The following UBAP2L variants were observed in gnomAD, a reference collection of about 807,000 sequenced individuals.
UBAP2L encodes ubiquitin associated protein 2 like, also known as ubiquitin-associated protein 2-like.
In UBAP2L, 12 loss-of-function variants were observed where a neutral mutation model predicts 130.6. The ratio of observed to expected loss-of-function variants is 0.09; its 90% CI spans 0.06 to 0.15. UBAP2L has a LOEUF of 0.15. Among genes scored for constraint, UBAP2L ranks in the 10% least tolerant of loss-of-function variants. The pLI, the probability that UBAP2L is intolerant of heterozygous loss-of-function variation, is 1.00. For missense variants in UBAP2L, 965 were observed against 1,332.5 expected, an observed-to-expected ratio of 0.72 and a Z score of 4.29; for synonymous variants, 503 against 524.7, an observed-to-expected ratio of 0.96 and a Z score of 0.57.
At chr1:154,270,160 A>G in intron 26 of UBAP2L, 40 bp from the exon 27 acceptor site, 2 of 1,540,100 alleles carry the variant, frequency 1.3e-6, no homozygotes, top group Non-Finnish European at 1.7e-6. Flanking sequence ...CACTAACTAG[A>G]CACCTTTTTC....
chr1:154,262,809 A>G (rs1272525766), intron 24 of UBAP2L, among the ~76,000 whole-genome samples: 1 of 152,100 alleles, frequency 6.6e-6, no homozygotes, highest in Non-Finnish European at 1.5e-5. Flanking sequence ...TCATTGAGCA[A>G]GGTTCACCCT....
chr1:154,232,402 A>C (rs1670153634), intron 4 of UBAP2L, among the ~76,000 whole-genome samples: 1 of 152,114 alleles, frequency 6.6e-6, no homozygotes, highest in South Asian at 2.1e-4. Context: ...TTTTACAAAA[A>C]TATGTGTAAA....
intron 22 of UBAP2L, 138 bp from the exon 23 acceptor site, chr1:154,260,754 C>T: frequency 1.2e-6 from 1 of 835,342 alleles, no homozygotes; most frequent in South Asian, 1.8e-5. Flanking sequence ...ATTGGAGCCA[C>T]TAAGAAATGT....
At chr1:154,226,802 A>T (rs1668091151) in intron 2 of UBAP2L, among the ~76,000 whole-genome samples, 1 of 152,020 alleles carries the variant, frequency 6.6e-6, no homozygotes, top group African/African-American at 2.4e-5. Flanking sequence ...GTTTCACTCA[A>T]TTTTTTGTCA....
intron 4 of UBAP2L, among the ~76,000 whole-genome samples, chr1:154,229,762 C>T (rs1669195579): frequency 6.6e-6 from 1 of 152,190 alleles, no homozygotes; most frequent in South Asian, 2.1e-4. Flanking sequence ...CCGCACCTGG[C>T]CCAGTGTATT....
intron 4 of UBAP2L, 38 bp downstream of exon 4, chr1:154,228,763 C>T (rs371111747): frequency 4.1e-6 from 6 of 1,475,822 alleles, no homozygotes; most frequent in Non-Finnish European, 5.6e-6. Context: ...CATGGGTCCT[C>T]AATTGGGAGG....
intron 26 of UBAP2L, among the ~76,000 whole-genome samples, chr1:154,269,910 G>A (rs760370901): frequency 1.3e-5 from 2 of 152,148 alleles, no homozygotes; most frequent in Non-Finnish European, 2.9e-5. Context: ...AGGGGAGAGA[G>A]GGGGTAGTGT....
Position 154,270,575 on chromosome 1 carries a change from T to TC in UBAP2L, c.*282dup. The TC allele has an allele frequency of 7.0e-7, 1 of 1,419,472 alleles. No individual in the cohort carries two copies. Among genetic ancestry groups the TC allele is most frequent in the Non-Finnish European group, 9.2e-7 (1 of 1,091,118 alleles). 87.9% of individuals were successfully genotyped at this position (1,419,472 alleles called of 1,614,324 possible). A position where few individuals can be genotyped will look rare whatever the true frequency, so the allele number is the denominator to read the frequency against. ...GAAACTTTGCTATGGGCCCTGCACT[T>TC]CCTTTGCTTCCTCCTGTTCACCCTG... is the stretch of plus-strand genomic sequence containing the variant. On this transcript the variant is annotated 3_prime_UTR_variant, in exon 27 of 27. Coordinates refer to ENST00000428931, the MANE Select transcript of UBAP2L (RefSeq NM_014847.4).
In UBAP2L at chr1:154,257,305, A is replaced by C. The variant is rs1349885803; in HGVS notation, c.2354-41A>C. 3 of 1,614,034 alleles carry C rather than the reference A, an allele frequency of 1.9e-6. No homozygotes were observed. The South Asian group carries it at 3.3e-5, about 18-fold the overall frequency. On this transcript the variant is annotated intron_variant, in intron 19 of 26. Coordinates refer to ENST00000428931, the MANE Select transcript of UBAP2L (RefSeq NM_014847.4). ...GCATTCCTCTGGGATGGAGGAGGTAAGTAATTGTGTGATGGGATAAAAATG... is the reference window on the plus strand; with the variant it reads ...GCATTCCTCTGGGATGGAGGAGGTACGTAATTGTGTGATGGGATAAAAATG...
chr1:154,256,999 T>G, intron 18 of UBAP2L, 64 bp from the exon 19 acceptor site: 1 of 1,545,134 alleles, frequency 6.5e-7, no homozygotes, highest in African/African-American at 1.4e-5. Flanking sequence ...ATTGTCTTAT[T>G]TTTCCTGACC....
At chr1:154,237,228 G>T in intron 8 of UBAP2L, 92 bp downstream of exon 8, 3 of 1,201,322 alleles carry the variant, frequency 2.5e-6, no homozygotes, top group Non-Finnish European at 3.6e-6. Flanking sequence ...TGGAAGAATA[G>T]TGTTTGGTTA....
rs77229109 is a variant in UBAP2L at position 154,238,147 on chromosome 1, A to G, written c.703+1011A>G. ...GTTTTCCACCTTTTTCCTACAATAT[A>G]TTATTCCTGAGGCTCTGAATGTCGT... On this transcript the variant is annotated intron_variant, in intron 8 of 26. Coordinates refer to ENST00000428931, the MANE Select transcript of UBAP2L (RefSeq NM_014847.4). Among the ~76,000 whole-genome samples, 41 of 152,236 alleles carry G rather than the reference A, an allele frequency of 2.7e-4. No homozygotes were observed. The East Asian group carries it at 3.3e-3, about 12-fold the overall frequency.
intron 24 of UBAP2L, among the ~76,000 whole-genome samples, chr1:154,264,593 T>A (rs1282554987): frequency 1.3e-5 from 2 of 152,194 alleles, no homozygotes; most frequent in African/African-American, 4.8e-5. Flanking sequence ...AGAAGCTGTT[T>A]TTAGCCTAAA....
At chr1:154,241,445 G>T in intron 8 of UBAP2L, 68 bp from the exon 9 acceptor site, 1 of 1,521,568 alleles carries the variant, frequency 6.6e-7, no homozygotes. Flanking sequence ...ATACATTGAT[G>T]TTTTCTATAC....
At chr1:154,243,158 C>A in intron 9 of UBAP2L, 59 bp from the exon 10 acceptor site, 1 of 1,468,912 alleles carries the variant, frequency 6.8e-7, no homozygotes, top group Non-Finnish European at 9.5e-7. Context: ...CTTACCTATG[C>A]CAAGTTTCTG....
At position 154,234,766 on chromosome 1, in the gene UBAP2L, A is replaced by G. The variant is rs2148626915; in HGVS notation, c.448+7A>G. ...GCCAGCCGTGGACGAGAGTGTATGC[A>G]TGGGGCTTTATCAAAACCAGCTGTG... is the stretch of plus-strand genomic sequence containing the variant. On this transcript the variant is annotated splice_region_variant and intron_variant, in intron 5 of 26. Coordinates refer to ENST00000428931, the MANE Select transcript of UBAP2L (RefSeq NM_014847.4). The G allele has an allele frequency of 2.5e-6, 4 of 1,576,448 alleles. No homozygotes were observed. The highest frequency in any genetic ancestry group is 3.4e-6 in the Non-Finnish European group (4 of 1,159,706).
chr1:154,220,494 G>A (rs2148352132), upstream of UBAP2L: 4 of 1,500,270 alleles, frequency 2.7e-6, no homozygotes, highest in East Asian at 9.0e-5. Context: ...ACGGCGCCTG[G>A]GTCCCCTGGA....
Position 154,261,695 on chromosome 1 carries a change from C to T in UBAP2L, c.2900C>T (p.Thr967Ile). The T allele has an allele frequency of 6.2e-7, 1 of 1,613,994 alleles. No homozygotes were observed. Among genetic ancestry groups the T allele is most frequent in the Non-Finnish European group, 8.5e-7 (1 of 1,179,910 alleles). ...GGATATGGGTCTCATGGATACAACA[C>T]TGGTAAGCTGACCTTGTCTCTGGCT... ...PSGYGSHGYNTGVSVTSSNTG... is the reference protein window; with the variant it reads ...PSGYGSHGYNIGVSVTSSNTG... The change falls in exon 24 of 27, where the codon ACT (threonine) becomes ATT (isoleucine). Residue 967 changes from threonine to isoleucine, a missense_variant and splice_region_variant. Transcript: ENST00000428931.
At chr1:154,267,459 C>A (rs1558237491) in intron 25 of UBAP2L, among the ~76,000 whole-genome samples, 1 of 150,046 alleles carries the variant, frequency 6.7e-6, no homozygotes, top group South Asian at 2.1e-4. Flanking sequence ...AGCGGAGTTA[C>A]TATTTTTGTA....
Sources: allele counts gnomAD v4.1 joint callset (sites outside exome capture counted in the v4.1 genomes callset), GRCh38; gene constraint gnomAD v4.1.1; transcripts MANE v1.5; gene names NCBI Gene and HGNC (gene_info 2026-07-23, HGNC 2026-07-21).